Variants in ZNF607 observed in about 807,000 individuals in gnomAD.
ZNF607 encodes the protein zinc finger protein 607.
In ZNF607, 5 loss-of-function variants were observed where a neutral mutation model predicts 12.8. The ratio of observed to expected loss-of-function variants is 0.39; its 90% confidence interval spans 0.20 to 0.82. The LOEUF (loss-of-function observed/expected upper bound fraction) is 0.82. Among genes scored for constraint, ZNF607 ranks in the 40% least tolerant of loss-of-function variants. The probability of loss-of-function intolerance (pLI) is 0.39; values close to 1 mark genes in which losing one functional copy is unlikely to be tolerated. For missense variants in ZNF607, 851 were observed against 859.2 expected (o/e 0.99, Z 0.12); for synonymous variants, 287 against 276.2 (o/e 1.04, Z -0.39).
At position 37,699,373 on chromosome 19, in the gene ZNF607, A is replaced by G. The variant is rs763850910; in HGVS notation, c.758T>C (p.Phe253Ser). 1.2e-6 allele frequency: 2 copies of G among 1,613,622 alleles called. No individual in the cohort carries two copies. The highest frequency in any genetic ancestry group is 1.6e-4 in the Middle Eastern group (1 of 6,062). Residue 253 changes from phenylalanine (F) to serine (S), a missense_variant, in exon 5 of 5, where the codon TTT (phenylalanine) becomes TCT (serine). Physicochemically the swap from Phe to Ser is radical, Grantham distance 155. Transcript: ENST00000355202. ...HQSIHTGEKP[F>S]ECNKCGKSFR... ...GGACTTCCCACATTTGTTACATTCA[A>G]AGGGCTTCTCACCAGTGTGAATACT...
intron 1 of ZNF607, among the ~76,000 whole-genome samples, chr19:37,712,484 C>T: frequency 6.6e-6 from 1 of 152,048 alleles, no homozygotes; most frequent in African/African-American, 2.4e-5. Flanking sequence ...GAACTCCAGC[C>T]TGGGTGACAG....
At chr19:37,718,508 C>A (rs1354186244) in intron 1 of ZNF607, among the ~76,000 whole-genome samples, 1 of 152,100 alleles carries the variant, frequency 6.6e-6, no homozygotes, top group Non-Finnish European at 1.5e-5. Context: ...AATGAAACTC[C>A]AAGAACCGGG....
At position 37,703,116 on chromosome 19, in the gene ZNF607, C is replaced by G. The variant is rs189217965; in HGVS notation, c.236-3221G>C. On this transcript the variant is annotated intron_variant, in intron 4 of 4. Transcript: ENST00000355202. ...TACAGGAATGCATCACCATGCCTGG[C>G]TAATTTTGTATTTTTAGTAGAGACG... 2.0e-5 allele frequency among the ~76,000 whole-genome samples: 3 copies of G among 151,798 alleles called. No homozygotes were observed. In the East Asian group the frequency reaches 5.8e-4, roughly 29 times the overall value.
intron 1 of ZNF607, among the ~76,000 whole-genome samples, chr19:37,713,857 T>C (rs1568407837): frequency 6.6e-6 from 1 of 152,188 alleles, no homozygotes; most frequent in Non-Finnish European, 1.5e-5. Flanking sequence ...AATTTTTGAT[T>C]ATCGAAATTA....
At chr19:37,704,766 G>GCT (rs2045066448) in intron 4 of ZNF607, among the ~76,000 whole-genome samples, 3 of 152,154 alleles carry the variant, frequency 2.0e-5, no homozygotes, top group Non-Finnish European at 2.9e-5. Flanking sequence ...GACCATCCTG[G>GCT]CTAACACGGT....
At chr19:37,718,045 A>G (rs576799405) in intron 1 of ZNF607, among the ~76,000 whole-genome samples, 1 of 152,240 alleles carries the variant, frequency 6.6e-6, no homozygotes, top group South Asian at 2.1e-4. Flanking sequence ...AAACCATTCA[A>G]AGGTATAAAA....
At chr19:37,706,745 C>A (rs184325632) in intron 4 of ZNF607, among the ~76,000 whole-genome samples, 1 of 151,988 alleles carries the variant, frequency 6.6e-6, no homozygotes, top group Non-Finnish European at 1.5e-5. Context: ...GGTTGGAGTG[C>A]GGTATTGTGA....
intron 3 of ZNF607, among the ~76,000 whole-genome samples, chr19:37,708,461 T>C (rs1040209676): frequency 6.6e-6 from 1 of 151,396 alleles, no homozygotes; most frequent in African/African-American, 2.4e-5. Context: ...CCCAAAGCAC[T>C]GGGATTACAG....
rs1599661404 is a variant in ZNF607, at chr19:37,701,312, T to C, written c.236-1417A>G. 2.0e-5 allele frequency among the ~76,000 whole-genome samples: 3 copies of C among 152,350 alleles called. No homozygotes were observed. In the East Asian group the frequency reaches 5.8e-4, roughly 29 times the overall value. The stretch of plus-strand genomic sequence containing the variant: ...ATTAATCTATCAGTATGTTCAATCT[T>C]TGCCTTCTACATTTAAACTTAACTT... On this transcript the variant is annotated intron_variant, in intron 4 of 4. Transcript: ENST00000355202.
At chr19:37,703,343 G>A (rs557202305) in intron 4 of ZNF607, among the ~76,000 whole-genome samples, 1 of 150,922 alleles carries the variant, frequency 6.6e-6, no homozygotes, top group East Asian at 1.9e-4. Context: ...GAGAAAAAAA[G>A]TAAAGTAGTA....
intron 4 of ZNF607, 30 bp from the exon 5 acceptor site, chr19:37,699,925 T>C (rs770539953): frequency 6.8e-7 from 1 of 1,479,750 alleles, no homozygotes; most frequent in Non-Finnish European, 9.0e-7. Context: ...AACATTTTAT[T>C]GGATGAGAAA....
chr19:37,717,892 G>C (rs1599671874), intron 1 of ZNF607, among the ~76,000 whole-genome samples: 1 of 150,142 alleles, frequency 6.7e-6, no homozygotes, highest in East Asian at 2.0e-4. Flanking sequence ...ACTCTAAATA[G>C]TGTTAAACAT....
At chr19:37,700,870 A>C (rs2045033412) in intron 4 of ZNF607, among the ~76,000 whole-genome samples, 1 of 152,172 alleles carries the variant, frequency 6.6e-6, no homozygotes, top group African/African-American at 2.4e-5. Flanking sequence ...AGAATAAAAA[A>C]TAAAAATAAG....
At position 37,698,574 on chromosome 19, in the gene ZNF607, T is replaced by G; in HGVS notation, c.1557A>C (p.Gln519His). Residue 519 changes from glutamine to histidine, a missense_variant, in exon 5 of 5, where the codon CAA (glutamine) becomes CAC (histidine). Transcript: ENST00000355202. ...ECGKAFSVSG[Q>H]LTQHLSIHSG... The stretch of plus-strand genomic sequence containing the variant: ...TGTGAATACTCAGATGCTGAGTAAG[T>G]TGTCCAGATACACTAAAGGCCTTCC... 6.2e-7 allele frequency: 1 copy of G among 1,611,802 alleles called. No individual in the cohort carries two copies. Among genetic ancestry groups the G allele is most frequent in the Admixed American group, 1.7e-5 (1 of 59,948 alleles).
At chr19:37,707,076 T>C (rs746049104) in intron 4 of ZNF607, among the ~76,000 whole-genome samples, 2 of 152,212 alleles carry the variant, frequency 1.3e-5, no homozygotes, top group Non-Finnish European at 2.9e-5. Context: ...TCTGCCCGCC[T>C]CGGCCTACCA....
rs1038971045 is a variant in ZNF607, at chr19:37,697,606, T to C, written c.*434A>G. ...GCATTAAATATGCAGAGTGGCTAAA[T>C]AGCCTTTCCCATCATCGCTTATATC... On this transcript the variant is annotated 3_prime_UTR_variant, in exon 5 of 5. Transcript: ENST00000355202. 2 of 427,380 alleles carry C rather than the reference T, an allele frequency of 4.7e-6. No individual in the cohort carries two copies. The highest frequency in any genetic ancestry group is 4.3e-6 in the Non-Finnish European group (1 of 233,126). The allele number at this position is 427,380 out of a possible 1,614,324, so 26.5% of individuals were successfully genotyped here.
intron 4 of ZNF607, chr19:37,706,317 A>G (rs1356080190): frequency 6.6e-6 from 1 of 152,638 alleles, no homozygotes; most frequent in Admixed American, 6.5e-5. Flanking sequence ...AAAACAAAAG[A>G]AAAGAAAGAA....
At position 37,699,491 on chromosome 19, in the gene ZNF607, C is replaced by G; in HGVS notation, c.640G>C (p.Val214Leu). 1 of 1,613,886 alleles carries G rather than the reference C, an allele frequency of 6.2e-7. No homozygotes were observed. The highest frequency in any genetic ancestry group is 8.5e-7 in the Non-Finnish European group (1 of 1,179,880). Residue 214 changes from valine (V) to leucine (L), a missense_variant, in exon 5 of 5, where the codon GTA (valine) becomes CTA (leucine). Physicochemically the swap from Val to Leu is conservative, Grantham distance 32. Transcript: ENST00000355202. ...EAFRTSRQLT[V>L]HHRFHYGEKP... ...TCACCATAATGAAATCTATGATGTA[C>G]AGTAAGTTGACGGCTAGTCCTAAAA...
Position 37,697,115 on chromosome 19 carries a change from G to A in ZNF607, c.*925C>T. 2 of 746,432 alleles carry A rather than the reference G, an allele frequency of 2.7e-6. No homozygotes were observed. The highest frequency in any genetic ancestry group is 5.1e-5 in the East Asian group (2 of 39,292). The allele number at this position is 746,432 out of a possible 1,614,324, so 46.2% of individuals were successfully genotyped here. ...GAGGAAGCTGGCTAGTGATGGGCCG[G>A]AAGAGGATGCACAGTGTGATGTTGA... On this transcript the variant is annotated 3_prime_UTR_variant, in exon 5 of 5. Transcript: ENST00000355202.
Sources: gnomAD v4.1 joint callset for allele counts (sites outside exome capture counted in the v4.1 genomes callset) on GRCh38, gnomAD v4.1.1 for gene constraint, MANE v1.5 for transcripts, NCBI Gene and HGNC (gene_info 2026-07-23, HGNC 2026-07-21) for gene names.